ELFN1: variants seen among roughly 807,000 people sequenced by gnomAD.
ELFN1 encodes the protein extracellular leucine rich repeat and fibronectin type III domain containing 1, also known as protein ELFN1.
Under a neutral mutation model 7.6 loss-of-function variants are expected in ELFN1, and 6 were observed. The observed-to-expected ratio is 0.79, with a 90% CI of 0.43 to 1.56. The LOEUF (loss-of-function observed/expected upper bound fraction) is 1.56, where lower values mean the gene tolerates loss of function less well. Ranked by LOEUF, ELFN1 falls within the 40% of genes most tolerant of loss-of-function variation. The pLI, the probability that ELFN1 is intolerant of heterozygous loss-of-function variation, is 0.01. For synonymous variants in ELFN1, 657 were observed against 588.1 expected (o/e 1.12, Z -1.70); for missense variants, 1,169 against 1,232.2 (o/e 0.95, Z 0.77).
chr7:1,684,895 A>C (rs1243320794), intron 1 of ELFN1, among the ~76,000 whole-genome samples: 1 of 152,240 alleles, frequency 6.6e-6, no homozygotes, highest in Non-Finnish European at 1.5e-5. Context: ...AAGAGAAAGT[A>C]ATACATTTAT....
At chr7:1,700,729 C>T (rs73670623) in intron 2 of ELFN1, among the ~76,000 whole-genome samples, 107 of 152,332 alleles carry the variant, frequency 7.0e-4, no homozygotes, top group African/African-American at 2.5e-3. Context: ...GGACAGCGGA[C>T]GAGAGTTCCC....
At position 1,695,086 on chromosome 7, in the gene ELFN1, G is replaced by A. The variant is rs576863938; in HGVS notation, c.-456+6936G>A. ...AGTTACGCTGCAGACGGCTCCGGATGCACGTGGCTGTGCCAGGCAGCAGAC... is the reference window on the plus strand; with the variant it reads ...AGTTACGCTGCAGACGGCTCCGGATACACGTGGCTGTGCCAGGCAGCAGAC... On this transcript the variant is annotated intron_variant, in intron 2 of 3. Transcript: ENST00000424383. This position sits in a 1 kb window ranked among gnomAD's most constrained non-coding sequence, Gnocchi z 5.1. 9.8e-5 allele frequency among the ~76,000 whole-genome samples: 15 copies of A among 152,306 alleles called. No homozygotes were observed. The East Asian group carries it at 2.9e-3, about 29-fold the overall frequency.
chr7:1,743,330 G>A (rs763838736), intron 3 of ELFN1, among the ~76,000 whole-genome samples: 102 of 152,332 alleles, frequency 6.7e-4, no homozygotes, highest in Non-Finnish European at 1.3e-3. Flanking sequence ...GTGGTGGGGA[G>A]GATGGCAGGA....
intron 3 of ELFN1, among the ~76,000 whole-genome samples, chr7:1,742,000 G>A (rs574236749): frequency 4.1e-4 from 63 of 152,236 alleles, no homozygotes; most frequent in African/African-American, 1.3e-3. Context: ...ACACACATAC[G>A]AGGGCTCACG....
chr7:1,692,313 A>G (rs2128580510), intron 2 of ELFN1: 1 of 152,986 alleles, frequency 6.5e-6, no homozygotes, highest in South Asian at 2.1e-4. Context: ...GGCTGCAGGG[A>G]CGGGCTGGGC....
At chr7:1,709,903 A>G (rs981727921) in intron 3 of ELFN1, among the ~76,000 whole-genome samples, 18 of 152,328 alleles carry the variant, frequency 1.2e-4, no homozygotes, top group African/African-American at 3.8e-4. Context: ...ATTTTTCAGA[A>G]ATAGCAGATA....
chr7:1,723,533 C>T (rs1780089440), intron 3 of ELFN1, among the ~76,000 whole-genome samples: 1 of 152,182 alleles, frequency 6.6e-6, no homozygotes, highest in South Asian at 2.1e-4. Flanking sequence ...CCATCGGGCC[C>T]ACGCCTCACA....
In ELFN1 at chr7:1,740,872, G is replaced by A. The variant is rs1042898916; in HGVS notation, c.-293-3432G>A. Among the ~76,000 whole-genome samples, 8 of 152,190 alleles carry A rather than the reference G, an allele frequency of 5.3e-5. No homozygotes were observed. Among genetic ancestry groups the A allele is most frequent in the Non-Finnish European group, 1.5e-5 (1 of 68,026 alleles). The stretch of plus-strand genomic sequence containing the variant: ...TGGCTGGGCATGGTGGCTCACGCCT[G>A]TAATCCCAGCACTTTGGGAGGCCAA... On this transcript the variant is annotated intron_variant, in intron 3 of 3. Transcript: ENST00000424383. This position sits in a 1 kb window ranked among gnomAD's most constrained non-coding sequence, Gnocchi z 5.0.
At chr7:1,700,618 A>G (rs1253614571) in intron 2 of ELFN1, among the ~76,000 whole-genome samples, 3 of 152,154 alleles carry the variant, frequency 2.0e-5, no homozygotes, top group Non-Finnish European at 4.4e-5. Context: ...GCTCCCTTGC[A>G]TATCTCCTGC....
chr7:1,726,048 TC>T (rs1056981759), intron 3 of ELFN1, among the ~76,000 whole-genome samples: 2 of 151,366 alleles, frequency 1.3e-5, no homozygotes, highest in African/African-American at 4.9e-5. Flanking sequence ...AAAATCACAC[TC>T]ACACACAATA....
At chr7:1,743,685 C>A (rs1261237242) in intron 3 of ELFN1, among the ~76,000 whole-genome samples, 2 of 152,162 alleles carry the variant, frequency 1.3e-5, no homozygotes, top group South Asian at 2.1e-4. Flanking sequence ...GGAGAGGAGC[C>A]CGCGCCCCGG....
chr7:1,725,737 G>A (rs1267764770), intron 3 of ELFN1, among the ~76,000 whole-genome samples: 1 of 152,172 alleles, frequency 6.6e-6, no homozygotes, highest in Admixed American at 6.5e-5. Flanking sequence ...AGGGTGGGGC[G>A]GGGCAAGTGG....
chr7:1,666,545 C>T (rs953850801), upstream of ELFN1, among the ~76,000 whole-genome samples: 7 of 151,898 alleles, frequency 4.6e-5, no homozygotes, highest in South Asian at 2.1e-4. The surrounding 1 kb of genome is among the most constrained non-coding windows in gnomAD (Gnocchi z 7.9). Context: ...CTGGAAGGGC[C>T]AGGACTCCGG....
chr7:1,713,902 C>T (rs1024961903), intron 3 of ELFN1, among the ~76,000 whole-genome samples: 4 of 152,130 alleles, frequency 2.6e-5, no homozygotes, highest in African/African-American at 9.7e-5. Context: ...CCCACCTCTC[C>T]AGGAGCAATT....
At chr7:1,716,328 C>T (rs999270248) in intron 3 of ELFN1, among the ~76,000 whole-genome samples, 12 of 152,220 alleles carry the variant, frequency 7.9e-5, no homozygotes, top group African/African-American at 2.7e-4. Flanking sequence ...CAGGGGCTCA[C>T]ACAGCATCTG....
At chr7:1,708,199 C>T (rs1425518129) in intron 2 of ELFN1, among the ~76,000 whole-genome samples, 1 of 152,260 alleles carries the variant, frequency 6.6e-6, no homozygotes, top group Non-Finnish European at 1.5e-5. Flanking sequence ...GCGACCCTGG[C>T]AGGACGACTT....
At chr7:1,729,383 G>A (rs1780276919) in intron 3 of ELFN1, among the ~76,000 whole-genome samples, 1 of 152,150 alleles carries the variant, frequency 6.6e-6, no homozygotes, top group African/African-American at 2.4e-5. Flanking sequence ...CAGCAGGGCG[G>A]TTCACCTCTG....
At chr7:1,724,612 C>T (rs1034356444) in intron 3 of ELFN1, among the ~76,000 whole-genome samples, 1 of 152,192 alleles carries the variant, frequency 6.6e-6, no homozygotes, top group Non-Finnish European at 1.5e-5. Flanking sequence ...GACCCCCACC[C>T]GGACCCCCTT....
At position 1,746,581 on chromosome 7, in the gene ELFN1, C is replaced by A. The variant is rs1418833830; in HGVS notation, c.1985C>A (p.Ala662Asp). 8 of 1,346,310 alleles carry A rather than the reference C, an allele frequency of 5.9e-6. No homozygotes were observed. The East Asian group carries it at 2.0e-4, about 33-fold the overall frequency. 83.4% of individuals were successfully genotyped at this position (1,346,310 alleles called of 1,614,324 possible). ...GCCGAGGCCGTCGGGGTGCACAAGG[C>A]CGCGGCCGCCGAGGCCAAGTACATC... ...FRAEAVGVHK[A>D]AAAEAKYIEK... Residue 662 changes from alanine to aspartate, a missense_variant, in exon 4 of 4, where the codon GCC becomes GAC. Around this residue, in one of 2 missense-constraint regions of ELFN1, gnomAD observed 914 missense variants for 872.6 expected, o/e 1.05. Transcript: ENST00000424383.
Sources: allele counts gnomAD v4.1 joint callset (sites outside exome capture counted in the v4.1 genomes callset), GRCh38; gene constraint gnomAD v4.1.1; regional missense constraint gnomAD v4.1.1; non-coding constraint Gnocchi (gnomAD v3.1); transcripts MANE v1.5; gene names NCBI Gene and HGNC (gene_info 2026-07-23, HGNC 2026-07-21).